Variants in NFYC observed in about 807,000 individuals in gnomAD.
NFYC encodes the protein nuclear transcription factor Y subunit gamma, also known as CAAT box DNA-binding protein subunit C.
In NFYC, 25 loss-of-function variants were observed where a neutral mutation model predicts 53.1. The observed-to-expected ratio is 0.47, with a 90% CI of 0.34 to 0.66. NFYC has a LOEUF of 0.66. NFYC is among the 30% of genes least tolerant of loss of function. NFYC has a pLI of 0.01. For missense variants in NFYC, 260 were observed against 422.7 expected (o/e 0.62, Z 3.38); for synonymous variants, 145 against 152.6 (o/e 0.95, Z 0.37).
At chr1:40,726,578 T>A (rs894062621) in intron 1 of NFYC, among the ~76,000 whole-genome samples, 1 of 152,012 alleles carries the variant, frequency 6.6e-6, no homozygotes, top group African/African-American at 2.4e-5. Context: ...CCCAGCTGAT[T>A]TTTGTATTTT....
At position 40,738,868 on chromosome 1, in the gene NFYC, G is replaced by A; in HGVS notation, c.25G>A (p.Gly9Ser). The change falls in exon 2 of 10, where the codon GGT (glycine) becomes AGT (serine). Residue 9 changes from glycine to serine, a missense_variant. Coordinates refer to ENST00000447388, the MANE Select transcript of NFYC (RefSeq NM_014223.5). Reference sequence around the variant, plus strand: ...GATGTCCACAGAAGGAGGATTTGGTGGTACTAGCAGCAGTGATGCCCAGCA... The same window carrying A: ...GATGTCCACAGAAGGAGGATTTGGTAGTACTAGCAGCAGTGATGCCCAGCA... MSTEGGFG[G>S]TSSSDAQQSL... 1 of 1,614,020 alleles carries A rather than the reference G, an allele frequency of 6.2e-7. No individual in the cohort carries two copies. The highest frequency in any genetic ancestry group is 8.5e-7 in the Non-Finnish European group (1 of 1,179,908).
intron 1 of NFYC, among the ~76,000 whole-genome samples, chr1:40,703,776 A>G (rs2148426785): frequency 6.6e-6 from 1 of 152,326 alleles, no homozygotes; most frequent in East Asian, 1.9e-4. Context: ...CCTGCTGTAT[A>G]ATCAAGTGTA....
At chr1:40,735,623 T>C (rs1449564800) in intron 1 of NFYC, 2 of 985,360 alleles carry the variant, frequency 2.0e-6, no homozygotes, top group South Asian at 4.7e-5. Flanking sequence ...CAACTAAACC[T>C]ACCCATCCAT....
chr1:40,728,003 A>G (rs969565834), intron 1 of NFYC, among the ~76,000 whole-genome samples: 1 of 151,854 alleles, frequency 6.6e-6, no homozygotes, highest in African/African-American at 2.4e-5. Context: ...CAGTGGTGTG[A>G]TCTCGGATCA....
chr1:40,700,067 C>T (rs1046807440), intron 1 of NFYC, among the ~76,000 whole-genome samples: 3 of 152,020 alleles, frequency 2.0e-5, no homozygotes, highest in Admixed American at 6.5e-5. Context: ...CTGGTGTAGT[C>T]TATGAATAAA....
chr1:40,748,566 C>A (rs1377228776), intron 3 of NFYC, among the ~76,000 whole-genome samples: 2 of 152,164 alleles, frequency 1.3e-5, no homozygotes, highest in Non-Finnish European at 2.9e-5. Context: ...TAATGATATT[C>A]TACCTGTTCT....
In NFYC at chr1:40,771,541, G is replaced by C. The variant is rs1369316957; in HGVS notation, c.*713G>C. On this transcript the variant is annotated 3_prime_UTR_variant, in exon 10 of 10. Coordinates refer to ENST00000447388, the MANE Select transcript of NFYC (RefSeq NM_014223.5). The stretch of plus-strand genomic sequence containing the variant: ...TTATTTTTTAAATGCATTAAAAACT[G>C]TGCTAGTCTCCTTTGCATGGACTTC... 6 of 430,050 alleles carry C rather than the reference G, an allele frequency of 1.4e-5. No individual in the cohort carries two copies. Among genetic ancestry groups the C allele is most frequent in the Admixed American group, 8.3e-5 (3 of 36,134 alleles). The allele number at this position is 430,050 out of a possible 1,614,324, so 26.6% of individuals were successfully genotyped here. A position where few individuals can be genotyped will look rare whatever the true frequency, so the allele number is the denominator to read the frequency against.
chr1:40,724,646 A>C (rs1189828882), intron 1 of NFYC, among the ~76,000 whole-genome samples: 1 of 152,232 alleles, frequency 6.6e-6, no homozygotes, highest in African/African-American at 2.4e-5. Flanking sequence ...TCTATTCCAC[A>C]GAAAAAAGTT....
intron 1 of NFYC, among the ~76,000 whole-genome samples, chr1:40,722,627 C>A (rs1462274488): frequency 6.6e-6 from 1 of 152,182 alleles, no homozygotes. Flanking sequence ...ATGAAGCTTG[C>A]TATTTTTTGA....
chr1:40,717,620 A>G (rs1430016231), intron 1 of NFYC, among the ~76,000 whole-genome samples: 2 of 152,226 alleles, frequency 1.3e-5, no homozygotes, highest in Non-Finnish European at 1.5e-5. Flanking sequence ...AAAAGACTAG[A>G]AATACTTCCT....
At chr1:40,694,405 A>G (rs1034151887) in intron 1 of NFYC, among the ~76,000 whole-genome samples, 6 of 152,218 alleles carry the variant, frequency 3.9e-5, no homozygotes, top group African/African-American at 1.4e-4. Context: ...TAATTGCTTT[A>G]TGTCTTGATG....
rs111673995 is a variant in NFYC, at chr1:40,753,900, C to T, written c.387+654C>T. 1.3e-4 allele frequency among the ~76,000 whole-genome samples: 20 copies of T among 152,242 alleles called. 1 individual carries two copies. Among genetic ancestry groups the T allele is most frequent in the African/African-American group, 2.4e-4 (10 of 41,532 alleles). On this transcript the variant is annotated intron_variant, in intron 5 of 9. Coordinates refer to ENST00000447388, the MANE Select transcript of NFYC (RefSeq NM_014223.5). ...GAAAGAATATGAACGTCTGCCTTCC[C>T]GTCTCTTCTGCCTGCCCCTCTCCAA... is the stretch of plus-strand genomic sequence containing the variant.
chr1:40,695,238 C>G (rs1643064981), intron 1 of NFYC, among the ~76,000 whole-genome samples: 1 of 151,914 alleles, frequency 6.6e-6, no homozygotes, highest in Non-Finnish European at 1.5e-5. Context: ...GACTCAGTCT[C>G]CCAAAAAATA....
In NFYC at chr1:40,771,051, A is replaced by G. The variant is rs964300429; in HGVS notation, c.*223A>G. 1.0e-4 allele frequency: 61 copies of G among 585,920 alleles called. No individual in the cohort carries two copies. In the Middle Eastern group the frequency reaches 2.2e-3, roughly 21 times the overall value. The allele number at this position is 585,920 out of a possible 1,614,324, so 36.3% of individuals were successfully genotyped here. ...TTCCATTTTTTTCTCTAAGGAATCA[A>G]TATTTCAATATGTTGAGTGTGTGTC... On this transcript the variant is annotated 3_prime_UTR_variant, in exon 10 of 10. Transcript: ENST00000447388.
At chr1:40,769,829 C>G (rs998924742) in intron 9 of NFYC, among the ~76,000 whole-genome samples, 6 of 152,166 alleles carry the variant, frequency 3.9e-5, no homozygotes, top group African/African-American at 1.4e-4. Flanking sequence ...AACACGTGAC[C>G]TCTTGAGCTC....
At chr1:40,701,654 G>A (rs567360764) in intron 1 of NFYC, among the ~76,000 whole-genome samples, 45 of 152,306 alleles carry the variant, frequency 3.0e-4, no homozygotes, top group Admixed American at 2.8e-3. Flanking sequence ...AACTCTTAAT[G>A]TACAGCATCA....
intron 1 of NFYC, among the ~76,000 whole-genome samples, chr1:40,730,807 G>A (rs1011446505): frequency 6.6e-6 from 1 of 152,164 alleles, no homozygotes; most frequent in Non-Finnish European, 1.5e-5. Context: ...GACAGTGAGA[G>A]CATTATTTTT....
intron 1 of NFYC, among the ~76,000 whole-genome samples, chr1:40,693,498 A>C (rs1178685587): frequency 6.6e-6 from 1 of 152,210 alleles, no homozygotes; most frequent in Non-Finnish European, 1.5e-5. Flanking sequence ...AGGGTTTTCA[A>C]ATTTAGTTTT....
chr1:40,768,623 G>A (rs1318614564), intron 8 of NFYC: 1 of 152,210 alleles, frequency 6.6e-6, no homozygotes, highest in Non-Finnish European at 1.5e-5. Flanking sequence ...CTAGTTTACC[G>A]AGCTGCTCCC....
Sources: allele counts gnomAD v4.1 joint callset (sites outside exome capture counted in the v4.1 genomes callset), GRCh38; gene constraint gnomAD v4.1.1; transcripts MANE v1.5; gene names NCBI Gene and HGNC (gene_info 2026-07-23, HGNC 2026-07-21).